The following PTGR1 variants were observed in gnomAD, a reference collection of about 807,000 sequenced individuals.
PTGR1 encodes the protein 15-oxoprostaglandin 13-reductase.
A neutral mutation model predicts 37.7 loss-of-function variants in PTGR1; 23 were observed. The observed-to-expected ratio is 0.61, with a 90% CI of 0.44 to 0.86. PTGR1 has a LOEUF of 0.86. Among genes scored for constraint, PTGR1 ranks in the 40% least tolerant of loss-of-function variants. The pLI, the probability that PTGR1 is intolerant of heterozygous loss-of-function variation, is 0.00. For missense variants in PTGR1, 351 were observed against 394.3 expected (o/e 0.89, Z 0.93); for synonymous variants, 134 against 140.0 (o/e 0.96, Z 0.30).
chr9:111,571,661 T>A (rs910030504), intron 8 of PTGR1, among the ~76,000 whole-genome samples: 31 of 82,492 alleles, frequency 3.8e-4, no homozygotes, highest in African/African-American at 8.3e-4. Context: ...TTAGTTTTTG[T>A]TTGTTTGTTT....
intron 9 of PTGR1, among the ~76,000 whole-genome samples, chr9:111,552,551 T>C (rs752720339): frequency 2.6e-5 from 4 of 152,220 alleles, no homozygotes; most frequent in Non-Finnish European, 5.9e-5. Flanking sequence ...CTTTTCTGTC[T>C]CTAACTGAAA....
chr9:111,570,229 T>C lies in PTGR1; in HGVS notation c.761-20A>G. Reference sequence around the variant, plus strand: ...GTGGGCCTGTGAAGAGAAGGGCACATTTGGGTGGCAGGATCCAGGGAGGTG... The same window carrying C: ...GTGGGCCTGTGAAGAGAAGGGCACACTTGGGTGGCAGGATCCAGGGAGGTG... On this transcript the variant is annotated intron_variant, in intron 8 of 9. Coordinates refer to ENST00000407693, the MANE Select transcript of PTGR1 (RefSeq NM_001146108.2). 1 of 1,607,260 alleles carries C rather than the reference T, an allele frequency of 6.2e-7. No homozygotes were observed. Among genetic ancestry groups the C allele is most frequent in the Non-Finnish European group, 8.5e-7 (1 of 1,177,040 alleles).
At chr9:111,572,473 C>T (rs1024851901) in intron 8 of PTGR1, among the ~76,000 whole-genome samples, 1 of 152,042 alleles carries the variant, frequency 6.6e-6, no homozygotes, top group Non-Finnish European at 1.5e-5. Context: ...GCCTGTAATC[C>T]CAGCTACTCA....
At chr9:111,596,161 A>G (rs563632355) in intron 2 of PTGR1, among the ~76,000 whole-genome samples, 1 of 152,316 alleles carries the variant, frequency 6.6e-6, no homozygotes, top group East Asian at 1.9e-4. Flanking sequence ...TTTGTGGCAG[A>G]TTGCAAAATG....
chr9:111,576,648 G>T, intron 7 of PTGR1: 1 of 495,724 alleles, frequency 2.0e-6, no homozygotes, highest in Non-Finnish European at 3.6e-6. Context: ...AAGGATTTCA[G>T]ATTATAGTCT....
intron 4 of PTGR1, among the ~76,000 whole-genome samples, chr9:111,587,787 T>C (rs923608141): frequency 1.1e-4 from 17 of 152,314 alleles, no homozygotes; most frequent in Admixed American, 9.8e-4. Flanking sequence ...TAATGTTATA[T>C]GTTTTATAAC....
At position 111,574,668 on chromosome 9, in the gene PTGR1, C is replaced by A. The variant is rs1331892805; in HGVS notation, c.760+66G>T. 9.5e-6 allele frequency: 10 copies of A among 1,054,074 alleles called. No individual in the cohort carries two copies. In the African/African-American group the frequency reaches 1.1e-4, roughly 12 times the overall value. The allele number at this position is 1,054,074 out of a possible 1,614,324, so 65.3% of individuals were successfully genotyped here. A position where few individuals can be genotyped will look rare whatever the true frequency, so the allele number is the denominator to read the frequency against. On this transcript the variant is annotated intron_variant, in intron 8 of 9. Coordinates refer to ENST00000407693, the MANE Select transcript of PTGR1 (RefSeq NM_001146108.2). ...TAATTTCAGAGTCACTGGCCTATGG[C>A]ATATCTGTGAATTTTCTCCTTGTCC...
At chr9:111,560,636 CAAAAAAAA>C (rs1015199330), downstream of PTGR1, among the ~76,000 whole-genome samples, 5 of 26,296 alleles carry the variant, frequency 1.9e-4, no homozygotes, top group African/African-American at 8.6e-4. Context: ...GACACCATCT[CAAAAAAAA>C]AAAAAAAAAA....
chr9:111,562,185 TTAAA>T (rs1247005250), downstream of PTGR1, among the ~76,000 whole-genome samples: 1 of 152,068 alleles, frequency 6.6e-6, no homozygotes, highest in Non-Finnish European at 1.5e-5. Context: ...TGCTGGTGTT[TTAAA>T]TAAATGTATA....
chr9:111,560,565 C>T (rs1364420555), downstream of PTGR1, among the ~76,000 whole-genome samples: 1 of 134,962 alleles, frequency 7.4e-6, no homozygotes, highest in Non-Finnish European at 1.5e-5. Flanking sequence ...TGCTTGAACC[C>T]GGGAGGCGGA....
chr9:111,567,478 C>T (rs550313585), intron 9 of PTGR1, among the ~76,000 whole-genome samples: 1 of 152,284 alleles, frequency 6.6e-6, no homozygotes, highest in South Asian at 2.1e-4. Flanking sequence ...AACCACCGTG[C>T]CAGTCCAGAC....
At chr9:111,582,347 G>A (rs1281546528) in intron 6 of PTGR1, among the ~76,000 whole-genome samples, 1 of 152,198 alleles carries the variant, frequency 6.6e-6, no homozygotes, top group East Asian at 1.9e-4. Context: ...AGCCCCTTGT[G>A]ATTTAATAGG....
chr9:111,560,105 G>A (rs1369769324), downstream of PTGR1, among the ~76,000 whole-genome samples: 1 of 151,852 alleles, frequency 6.6e-6, no homozygotes, highest in East Asian at 1.9e-4. Flanking sequence ...CAGCACTTTG[G>A]GAGGCCTAGG....
downstream of PTGR1, among the ~76,000 whole-genome samples, chr9:111,558,510 TA>T (rs1174092307): frequency 6.6e-6 from 1 of 152,098 alleles, no homozygotes; most frequent in Non-Finnish European, 1.5e-5. Flanking sequence ...AGAATCCTCT[TA>T]AAAAAAGAAA....
In PTGR1 at chr9:111,562,823, C is replaced by T; in HGVS notation, c.*298G>A. The stretch of plus-strand genomic sequence containing the variant: ...TCCATGTGTTCTCATTGTTCAGCTC[C>T]CACTTATGAATGAAAACATACAGTG... On this transcript the variant is annotated 3_prime_UTR_variant, in exon 10 of 10. Transcript: ENST00000407693. 1 of 537,006 alleles carries T rather than the reference C, an allele frequency of 1.9e-6. No individual in the cohort carries two copies. Among genetic ancestry groups the T allele is most frequent in the Non-Finnish European group, 2.7e-6 (1 of 376,228 alleles). 33.3% of individuals were successfully genotyped at this position (537,006 alleles called of 1,614,324 possible).
intron 6 of PTGR1, among the ~76,000 whole-genome samples, chr9:111,580,312 CTTAT>C (rs1829241530): frequency 1.3e-5 from 2 of 152,224 alleles, no homozygotes; most frequent in South Asian, 2.1e-4. Flanking sequence ...TTGCTTCTTA[CTTAT>C]TTCTTTTCTA....
chr9:111,593,654 C>T (rs961505695), intron 3 of PTGR1, among the ~76,000 whole-genome samples: 1 of 152,152 alleles, frequency 6.6e-6, no homozygotes, highest in African/African-American at 2.4e-5. Context: ...TAGTGAAATG[C>T]ACAAATTGGG....
At chr9:111,594,979 T>C (rs1829736300) in intron 2 of PTGR1, among the ~76,000 whole-genome samples, 1 of 150,278 alleles carries the variant, frequency 6.7e-6, no homozygotes, top group African/African-American at 2.4e-5. Flanking sequence ...CTCAGCCTCC[T>C]GAGTAGCTGG....
At chr9:111,580,389 A>C (rs4978445) in intron 6 of PTGR1, among the ~76,000 whole-genome samples, 7,739 of 152,204 alleles carry the variant, frequency 0.051, 356 homozygotes, top group East Asian at 0.15. Context: ...CTCAAAGGAG[A>C]AGCTTTCCTT....
Sources: allele counts gnomAD v4.1 joint callset (sites outside exome capture counted in the v4.1 genomes callset), GRCh38; gene constraint gnomAD v4.1.1; transcripts MANE v1.5; gene names NCBI Gene and HGNC (gene_info 2026-07-23, HGNC 2026-07-21).